Variants in FAM184B observed in about 807,000 individuals in gnomAD.
FAM184B encodes protein FAM184B.
In FAM184B, 111 loss-of-function variants were observed where a neutral mutation model predicts 135.9. That is an observed-to-expected ratio of 0.82 (90% confidence interval 0.70 to 0.96). FAM184B has a LOEUF of 0.96. Ranked by LOEUF, FAM184B falls within the 40% of genes least tolerant of loss-of-function variation. The probability of loss-of-function intolerance (pLI) is 0.00; values close to 1 mark genes in which losing one functional copy is unlikely to be tolerated. For synonymous variants in FAM184B, 552 were observed against 524.8 expected (o/e 1.05, Z -0.71); for missense variants, 1,375 against 1,323.9 (o/e 1.04, Z -0.60).
intron 5 of FAM184B, 48 bp from the exon 6 acceptor site, chr4:17,693,460 C>T (rs570752952): frequency 2.2e-5 from 31 of 1,435,392 alleles, no homozygotes; most frequent in South Asian, 3.7e-5. Context: ...GAAAACAGGA[C>T]ACTTAATGTT....
chr4:17,752,777 C>G (rs1469063375), intron 1 of FAM184B, among the ~76,000 whole-genome samples: 2 of 152,206 alleles, frequency 1.3e-5, no homozygotes, highest in African/African-American at 2.4e-5. Context: ...TATGACAGCA[C>G]TCAGAAATCT....
intron 1 of FAM184B, among the ~76,000 whole-genome samples, chr4:17,774,022 C>T (rs984479229): frequency 6.6e-6 from 1 of 151,996 alleles, no homozygotes; most frequent in Non-Finnish European, 1.5e-5. Context: ...TTGGAGAATC[C>T]CTGGGTAGGA....
At position 17,781,138 on chromosome 4, in the gene FAM184B, GCC is replaced by G; in HGVS notation, c.141+19_141+20del. 6.6e-7 allele frequency: 1 copy of G among 1,507,674 alleles called. No homozygotes were observed. Among genetic ancestry groups the G allele is most frequent in the Non-Finnish European group, 8.9e-7 (1 of 1,124,792 alleles). The allele number at this position is 1,507,674 out of a possible 1,614,324, so 93.4% of individuals were successfully genotyped here. A position where few individuals can be genotyped will look rare whatever the true frequency, so the allele number is the denominator to read the frequency against. On this transcript the variant is annotated intron_variant, in intron 1 of 17. Transcript: ENST00000265018. The surrounding 1 kb of genome is among the most constrained non-coding windows in gnomAD (Gnocchi z 6.5). ...GGCGCCCCGGGCGTGCAGCTCGCTG[GCC>G]CGCTGCGCCCCACCTTACCTTGGTG...
In FAM184B at chr4:17,709,131, C is replaced by T. The variant is rs899848754; in HGVS notation, c.655G>A (p.Glu219Lys). ...CTCTCGTAGGTGGCCTGCAGCTCCT[C>T]GGCCTTGCGGGCGTAGTCCTTGCTC... ...QLSKDYARKA[E>K]ELQATYEREN... The change falls in exon 2 of 18, where the codon GAG (glutamate) becomes AAG (lysine). Residue 219 changes from glutamate to lysine, a missense_variant. Physicochemically the swap from Glu to Lys is moderately conservative, Grantham distance 56. Coordinates refer to ENST00000265018, the MANE Select transcript of FAM184B (RefSeq NM_015688.2). The T allele has an allele frequency of 2.7e-5, 42 of 1,548,544 alleles. No individual in the cohort carries two copies. The East Asian group carries it at 4.2e-4, about 15-fold the overall frequency.
chr4:17,740,858 C>A (rs1464034202), intron 1 of FAM184B, among the ~76,000 whole-genome samples: 2 of 152,190 alleles, frequency 1.3e-5, no homozygotes, highest in Non-Finnish European at 2.9e-5. Flanking sequence ...TCACTGTCGG[C>A]TCTGCTTGCA....
intron 1 of FAM184B, among the ~76,000 whole-genome samples, chr4:17,758,120 G>C (rs931167511): frequency 3.9e-5 from 6 of 152,146 alleles, no homozygotes; most frequent in Admixed American, 3.9e-4. Flanking sequence ...AGCCTCTAAG[G>C]TTCTCTAGTC....
intron 12 of FAM184B, among the ~76,000 whole-genome samples, chr4:17,646,724 T>C (rs543954643): frequency 3.4e-4 from 51 of 151,094 alleles, no homozygotes; most frequent in Admixed American, 2.6e-4. Flanking sequence ...GAACTTAAAA[T>C]ATAATAATAA....
At chr4:17,688,936 G>A (rs971692101) in intron 6 of FAM184B, among the ~76,000 whole-genome samples, 3 of 151,966 alleles carry the variant, frequency 2.0e-5, no homozygotes, top group Admixed American at 6.6e-5. Context: ...TAAGCGATCC[G>A]CCTGCCTCGG....
intron 10 of FAM184B, among the ~76,000 whole-genome samples, chr4:17,657,067 T>A (rs1410423312): frequency 6.6e-6 from 1 of 152,236 alleles, no homozygotes; most frequent in Non-Finnish European, 1.5e-5. Context: ...ATTGAGAATA[T>A]GTAAATATTA....
In FAM184B at chr4:17,652,491, T is replaced by G. The variant is rs538983780; in HGVS notation, c.2191+339A>C. On this transcript the variant is annotated intron_variant, in intron 11 of 17. Coordinates refer to ENST00000265018, the MANE Select transcript of FAM184B (RefSeq NM_015688.2). ...AGGTAGGGACAACTGTAATTCAATTTTATACAAAAGGAAAATGAGACTCAC... is the reference window on the plus strand; with the variant it reads ...AGGTAGGGACAACTGTAATTCAATTGTATACAAAAGGAAAATGAGACTCAC... Among the ~76,000 whole-genome samples the G allele has an allele frequency of 2.0e-5, 3 of 152,332 alleles. No homozygotes were observed. In the East Asian group the frequency reaches 5.8e-4, roughly 29 times the overall value.
chr4:17,638,133 GCTTTTTTTTTT>G (rs1715200380), intron 14 of FAM184B, among the ~76,000 whole-genome samples: 1 of 40,512 alleles, frequency 2.5e-5, no homozygotes, highest in South Asian at 1.3e-3. Flanking sequence ...TTAACTGTTT[GCTTTTTTTTTT>G]TTTTTTTTTT....
chr4:17,705,609 C>T, intron 4 of FAM184B, 143 bp downstream of exon 4: 1 of 1,018,134 alleles, frequency 9.8e-7, no homozygotes, highest in Non-Finnish European at 1.4e-6. Context: ...AGTAAGTTGG[C>T]TGGAATTCTA....
chr4:17,660,832 G>A (rs1560170477), intron 8 of FAM184B, among the ~76,000 whole-genome samples: 1 of 152,062 alleles, frequency 6.6e-6, no homozygotes, highest in Non-Finnish European at 1.5e-5. Flanking sequence ...AGATTGCCAG[G>A]TGATGAGCAG....
intron 17 of FAM184B, 35 bp downstream of exon 17, chr4:17,633,654 A>G: frequency 6.9e-7 from 1 of 1,439,102 alleles, no homozygotes; most frequent in Admixed American, 2.9e-5. Context: ...ACAGGGAAAT[A>G]GAATAAGGGC....
At chr4:17,636,116 G>A (rs1715126291) in intron 15 of FAM184B, among the ~76,000 whole-genome samples, 1 of 152,040 alleles carries the variant, frequency 6.6e-6, no homozygotes, top group African/African-American at 2.4e-5. Context: ...AAAGAAAGGA[G>A]TTTTTCTTTG....
chr4:17,647,926 A>G, intron 11 of FAM184B, 135 bp from the exon 12 acceptor site: 1 of 962,438 alleles, frequency 1.0e-6, no homozygotes, highest in African/African-American at 1.6e-5. Context: ...AGGTTCCCCA[A>G]ACCTTTTCCA....
intron 1 of FAM184B, among the ~76,000 whole-genome samples, chr4:17,756,975 C>T (rs2108990832): frequency 6.6e-6 from 1 of 152,188 alleles, no homozygotes; most frequent in South Asian, 2.1e-4. Context: ...TATTTTGCAA[C>T]CTCTAGTGAA....
chr4:17,639,546 G>T, intron 13 of FAM184B, 150 bp from the exon 14 acceptor site: 1 of 963,372 alleles, frequency 1.0e-6, no homozygotes, highest in Non-Finnish European at 1.5e-6. Flanking sequence ...AAGAAGAGCT[G>T]AAGTCTCTTG....
At chr4:17,726,010 G>A (rs1245385279) in intron 1 of FAM184B, among the ~76,000 whole-genome samples, 10 of 151,384 alleles carry the variant, frequency 6.6e-5, no homozygotes, top group Admixed American at 3.9e-4. Context: ...TGTAAGCTCC[G>A]CCTCCCAGGT....
Sources: gnomAD v4.1 joint callset for allele counts (sites outside exome capture counted in the v4.1 genomes callset) on GRCh38, gnomAD v4.1.1 for gene constraint, Gnocchi (gnomAD v3.1) non-coding constraint, MANE v1.5 for transcripts, NCBI Gene and HGNC (gene_info 2026-07-23, HGNC 2026-07-21) for gene names.